Variants in GPX7 observed in about 807,000 individuals in gnomAD.
GPX7 encodes the protein glutathione peroxidase 7.
A neutral mutation model predicts 23.7 loss-of-function variants in GPX7; 21 were observed. That is an observed-to-expected ratio of 0.89 (90% CI 0.63 to 1.28). The LOEUF is 1.28. Ranked by LOEUF, GPX7 falls within the 50% of genes most tolerant of loss-of-function variation. The probability of loss-of-function intolerance (pLI) is 0.00; values close to 1 mark genes in which losing one functional copy is unlikely to be tolerated. For missense variants in GPX7, 238 were observed against 237.3 expected (o/e 1.00, Z -0.02); for synonymous variants, 112 against 101.8 (o/e 1.10, Z -0.61).
chr1:52,606,684 G>A lies in GPX7; in HGVS notation c.139G>A (p.Val47Met). ...LVSLEKYRGS[V>M]SLVVNVASEC... ...GTTTTGTTTTGTTTCTGTCATACAG[G>A]TGTCCCTGGTGGTGAATGTGGCCAG... is the stretch of plus-strand genomic sequence containing the variant. The change falls in exon 2 of 3, where the codon GTG (valine) becomes ATG (methionine). Residue 47 changes from valine (V) to methionine (M), a missense_variant and splice_region_variant. By Grantham distance (21) the Val-to-Met change is conservative (BLOSUM62 1). Coordinates refer to ENST00000361314, the MANE Select transcript of GPX7 (RefSeq NM_015696.5). 3 of 1,612,652 alleles carry A rather than the reference G, an allele frequency of 1.9e-6. No individual in the cohort carries two copies. Among genetic ancestry groups the A allele is most frequent in the South Asian group, 2.2e-5 (2 of 91,068 alleles).
chr1:52,608,598 A>C lies in GPX7; in HGVS notation c.*173A>C. On this transcript the variant is annotated 3_prime_UTR_variant, in exon 3 of 3. Coordinates refer to ENST00000361314, the MANE Select transcript of GPX7 (RefSeq NM_015696.5). ...AAATTCTAGTATTTTGATTATTTGA[A>C]TCTTACAGCAACAAATAGGAACTCC... 2.2e-6 allele frequency: 1 copy of C among 450,302 alleles called. No homozygotes were observed. Among genetic ancestry groups the C allele is most frequent in the Non-Finnish European group, 3.7e-6 (1 of 268,892 alleles). 27.9% of individuals were successfully genotyped at this position (450,302 alleles called of 1,614,324 possible).
chr1:52,607,109 G>C, intron 2 of GPX7, 164 bp downstream of exon 2: 1 of 710,308 alleles, frequency 1.4e-6, no homozygotes, highest in East Asian at 2.5e-5. Flanking sequence ...TCTTTGAGGA[G>C]AGTGGAGGCA....
chr1:52,607,958 A>C (rs12122956), intron 2 of GPX7, among the ~76,000 whole-genome samples: 14,005 of 152,220 alleles, frequency 0.092, 813 homozygotes, highest in African/African-American at 0.17. Flanking sequence ...ACTAGAGAAT[A>C]GGGTGTAGAC....
At chr1:52,602,623 C>T (rs1690812189) in intron 1 of GPX7, 76 bp downstream of exon 1, 6 of 895,790 alleles carry the variant, frequency 6.7e-6, no homozygotes. Flanking sequence ...GCCCCGCAGC[C>T]CGGTCCCCCG....
At position 52,606,777 on chromosome 1, in the gene GPX7, C is replaced by A. The variant is rs1440250365; in HGVS notation, c.232C>A (p.His78Asn). Reference protein sequence around the residue: ...QQLQRDLGPHHFNVLAFPCNQ... With the variant: ...QQLQRDLGPHNFNVLAFPCNQ... ...GCTGCAGCGAGACCTGGGCCCCCAC[C>A]ACTTTAACGTGCTCGCCTTCCCCTG... Residue 78 changes from histidine to asparagine, a missense_variant, in exon 2 of 3, where the codon CAC (histidine) becomes AAC (asparagine). Coordinates refer to ENST00000361314, the MANE Select transcript of GPX7 (RefSeq NM_015696.5). The A allele has an allele frequency of 3.7e-6, 6 of 1,614,204 alleles. No individual in the cohort carries two copies. Among genetic ancestry groups the A allele is most frequent in the Middle Eastern group, 1.6e-4 (1 of 6,062 alleles).
intron 1 of GPX7, among the ~76,000 whole-genome samples, chr1:52,604,558 T>A (rs1227238077): frequency 3.3e-5 from 5 of 152,200 alleles, no homozygotes; most frequent in African/African-American, 1.2e-4. Flanking sequence ...ATGGTTTACT[T>A]CTTCTGTGTA....
intron 1 of GPX7, among the ~76,000 whole-genome samples, chr1:52,603,197 C>G (rs1000019423): frequency 6.6e-6 from 1 of 152,200 alleles, no homozygotes; most frequent in Non-Finnish European, 1.5e-5. Context: ...TAGATGGCAG[C>G]TCAGGGGCAC....
intron 2 of GPX7, among the ~76,000 whole-genome samples, chr1:52,607,570 G>A (rs35226390): frequency 0.076 from 11,609 of 152,168 alleles, 555 homozygotes; most frequent in African/African-American, 0.13. Context: ...TGCCTTTTCT[G>A]ATTCCGTGCT....
intron 1 of GPX7, among the ~76,000 whole-genome samples, 168 bp downstream of exon 1, chr1:52,602,715 G>C (rs1690813268): frequency 6.6e-6 from 1 of 150,892 alleles, no homozygotes; most frequent in South Asian, 2.1e-4. Context: ...CCTCTGGCGC[G>C]GCGCCCCCAT....
chr1:52,605,626 A>G (rs1223906613), intron 1 of GPX7, among the ~76,000 whole-genome samples: 1 of 152,192 alleles, frequency 6.6e-6, no homozygotes, highest in Non-Finnish European at 1.5e-5. Flanking sequence ...CCAGCTTTGT[A>G]TTTATTGCCT....
At position 52,602,466 on chromosome 1, in the gene GPX7, G is replaced by A; in HGVS notation, c.57G>A (p.Ala19=). 2 of 1,544,812 alleles carry A rather than the reference G, an allele frequency of 1.3e-6. No homozygotes were observed. The highest frequency in any genetic ancestry group is 1.7e-6 in the Non-Finnish European group (2 of 1,150,364). The change falls in exon 1 of 3, where the codon GCG becomes GCA. Residue 19 remains alanine (A), a synonymous_variant. Coordinates refer to ENST00000361314, the MANE Select transcript of GPX7 (RefSeq NM_015696.5). ...TGCTCCTGTGGGCTGCGGCCTGCGC[G>A]CAGCAGGAGCAGGACTTCTACGACT... is the stretch of plus-strand genomic sequence containing the variant. ...AWLLLWAAAC[A]QQEQDFYDFK... is the part of the protein sequence containing the mutation.
Position 52,608,492 on chromosome 1 carries a change from A to C in GPX7, c.*67A>C. 7.2e-7 allele frequency: 1 copy of C among 1,379,398 alleles called. No individual in the cohort carries two copies. 85.4% of individuals were successfully genotyped at this position (1,379,398 alleles called of 1,614,324 possible). A position where few individuals can be genotyped will look rare whatever the true frequency, so the allele number is the denominator to read the frequency against. ...TGTGGGGCTGACCAATGCAAACTCA[A>C]ATGGTGCTTCAAAGGGAGAGACCCA... On this transcript the variant is annotated 3_prime_UTR_variant, in exon 3 of 3. Coordinates refer to ENST00000361314, the MANE Select transcript of GPX7 (RefSeq NM_015696.5).
chr1:52,603,437 G>A (rs1690822963), intron 1 of GPX7, among the ~76,000 whole-genome samples: 1 of 152,142 alleles, frequency 6.6e-6, no homozygotes, highest in Non-Finnish European at 1.5e-5. Flanking sequence ...GGAAGATGAG[G>A]CTGAAACGAC....
At chr1:52,606,972 A>C (rs761158268) in intron 2 of GPX7, 27 bp downstream of exon 2, 2 of 1,607,110 alleles carry the variant, frequency 1.2e-6, no homozygotes, top group Non-Finnish European at 1.7e-6. Context: ...TCATCCCCTC[A>C]CACCTCCCTT....
In GPX7 at chr1:52,608,596, G is replaced by T. The variant is rs1310963117; in HGVS notation, c.*171G>T. On this transcript the variant is annotated 3_prime_UTR_variant, in exon 3 of 3. Transcript: ENST00000361314. ...AAAAATTCTAGTATTTTGATTATTT[G>T]AATCTTACAGCAACAAATAGGAACT... is the stretch of plus-strand genomic sequence containing the variant. 4.4e-6 allele frequency: 2 copies of T among 457,736 alleles called. No homozygotes were observed. Among genetic ancestry groups the T allele is most frequent in the Non-Finnish European group, 3.6e-6 (1 of 274,504 alleles). The allele number at this position is 457,736 out of a possible 1,614,324, so 28.4% of individuals were successfully genotyped here. A position where few individuals can be genotyped will look rare whatever the true frequency, so the allele number is the denominator to read the frequency against.
At position 52,608,538 on chromosome 1, in the gene GPX7, C is replaced by A; in HGVS notation, c.*113C>A. Reference sequence around the variant, plus strand: ...ACCCACTGACTCTCCTTCCTTTACTCTTATGCCATTGGTCCCATCATTCTT... The same window carrying A: ...ACCCACTGACTCTCCTTCCTTTACTATTATGCCATTGGTCCCATCATTCTT... On this transcript the variant is annotated 3_prime_UTR_variant, in exon 3 of 3. Coordinates refer to ENST00000361314, the MANE Select transcript of GPX7 (RefSeq NM_015696.5). The A allele has an allele frequency of 1.2e-6, 1 of 852,634 alleles. No individual in the cohort carries two copies. Among genetic ancestry groups the A allele is most frequent in the Non-Finnish European group, 1.7e-6 (1 of 583,520 alleles). 52.8% of individuals were successfully genotyped at this position (852,634 alleles called of 1,614,324 possible).
chr1:52,604,082 G>A (rs181235528), intron 1 of GPX7, among the ~76,000 whole-genome samples: 1 of 152,326 alleles, frequency 6.6e-6, no homozygotes, highest in East Asian at 1.9e-4. Flanking sequence ...ACTAAATGGA[G>A]CTTACATGGG....
At chr1:52,602,792 C>T (rs1444795968) in intron 1 of GPX7, among the ~76,000 whole-genome samples, 18 of 151,990 alleles carry the variant, frequency 1.2e-4, no homozygotes, top group Admixed American at 2.6e-4. Flanking sequence ...ACCCGAAGCG[C>T]TCGCAGTCGG....
At chr1:52,607,685 G>A (rs1199006517) in intron 2 of GPX7, among the ~76,000 whole-genome samples, 3 of 152,136 alleles carry the variant, frequency 2.0e-5, no homozygotes, top group African/African-American at 2.4e-5. Context: ...CCCTTACTGC[G>A]GCAGGTTTGT....
Sources: gnomAD v4.1 joint callset for allele counts (sites outside exome capture counted in the v4.1 genomes callset) on GRCh38, gnomAD v4.1.1 for gene constraint, MANE v1.5 for transcripts, NCBI Gene and HGNC (gene_info 2026-07-23, HGNC 2026-07-21) for gene names.